HTR7: variants seen among roughly 807,000 people sequenced by gnomAD.
HTR7 encodes 5-hydroxytryptamine receptor 7, also known as 5-HT-7.
In HTR7, 16 loss-of-function variants were observed where a neutral mutation model predicts 34.0. The observed-to-expected ratio is 0.47, with a 90% confidence interval of 0.32 to 0.71. The LOEUF (loss-of-function observed/expected upper bound fraction) is 0.71. HTR7 is among the 30% of genes least tolerant of loss of function. HTR7 has a pLI of 0.04. For synonymous variants in HTR7, 265 were observed against 260.2 expected (o/e 1.02, Z -0.18); for missense variants, 504 against 625.5 (o/e 0.81, Z 2.07).
At chr10:90,759,829 G>A (rs918980214) in intron 1 of HTR7, among the ~76,000 whole-genome samples, 2 of 152,198 alleles carry the variant, frequency 1.3e-5, no homozygotes, top group African/African-American at 4.8e-5. Context: ...AAGCAAGGTA[G>A]GATACAGTGT....
intron 1 of HTR7, among the ~76,000 whole-genome samples, chr10:90,800,581 AC>A (rs923976489): frequency 2.0e-5 from 3 of 150,088 alleles, no homozygotes; most frequent in African/African-American, 4.9e-5. Flanking sequence ...TCATTCCTTC[AC>A]CCCCCGAGAT....
chr10:90,844,092 GA>G (rs1392994549), intron 1 of HTR7, among the ~76,000 whole-genome samples: 1 of 152,058 alleles, frequency 6.6e-6, no homozygotes, highest in Non-Finnish European at 1.5e-5. Context: ...TACCTTTACA[GA>G]AAAAAAGTGT....
chr10:90,762,551 T>C (rs1447327382), intron 1 of HTR7, among the ~76,000 whole-genome samples: 2 of 152,196 alleles, frequency 1.3e-5, no homozygotes, highest in Non-Finnish European at 2.9e-5. Flanking sequence ...ATAAGATACA[T>C]GGTTTCTGAA....
intron 1 of HTR7, among the ~76,000 whole-genome samples, chr10:90,839,965 T>A (rs1441558039): frequency 1.3e-5 from 2 of 151,942 alleles, no homozygotes; most frequent in African/African-American, 4.8e-5. Flanking sequence ...TACCCTCAAC[T>A]AGATAACATG....
At chr10:90,838,485 C>T (rs1846283237) in intron 1 of HTR7, among the ~76,000 whole-genome samples, 1 of 152,180 alleles carries the variant, frequency 6.6e-6, no homozygotes, top group South Asian at 2.1e-4. Context: ...AGTTTTCATT[C>T]TCACCCTCCT....
intron 1 of HTR7, among the ~76,000 whole-genome samples, chr10:90,809,853 T>G (rs1212150414): frequency 6.6e-6 from 1 of 152,186 alleles, no homozygotes; most frequent in African/African-American, 2.4e-5. Context: ...GGCCCAAGGC[T>G]CTCTGACTGC....
At chr10:90,804,110 G>A (rs1221960998) in intron 1 of HTR7, among the ~76,000 whole-genome samples, 1 of 152,168 alleles carries the variant, frequency 6.6e-6, no homozygotes, top group Non-Finnish European at 1.5e-5. Flanking sequence ...AGGAAAAGAT[G>A]CAGCTTAACT....
chr10:90,788,065 G>A (rs553855120), intron 1 of HTR7, among the ~76,000 whole-genome samples: 61 of 152,132 alleles, frequency 4.0e-4, no homozygotes, highest in Non-Finnish European at 7.8e-4. Context: ...ACCCTGAGCC[G>A]GAGCTGCAAC....
intron 1 of HTR7, among the ~76,000 whole-genome samples, chr10:90,760,911 TATAA>T (rs1380770806): frequency 6.6e-6 from 1 of 152,138 alleles, no homozygotes; most frequent in Non-Finnish European, 1.5e-5. Context: ...ACACGTACCC[TATAA>T]ATATGTACAA....
rs777376218 is a variant in HTR7, at chr10:90,857,090, C to T, written c.539+43G>A. On this transcript the variant is annotated intron_variant, in intron 1 of 3. Coordinates refer to ENST00000336152, the MANE Select transcript of HTR7 (RefSeq NM_019859.4). This position sits in a 1 kb window ranked among gnomAD's most constrained non-coding sequence, Gnocchi z 6.5. Reference sequence around the variant, plus strand: ...GAGCGCGCGGGGCTGAGCTGCCAGCCGGTCCCCAGCCGGAGCCTGGGACGG... The same window carrying T: ...GAGCGCGCGGGGCTGAGCTGCCAGCTGGTCCCCAGCCGGAGCCTGGGACGG... 6 of 1,485,342 alleles carry T rather than the reference C, an allele frequency of 4.0e-6. No homozygotes were observed. The South Asian group carries it at 5.4e-5, about 13-fold the overall frequency. The allele number at this position is 1,485,342 out of a possible 1,614,324, so 92.0% of individuals were successfully genotyped here.
At chr10:90,766,322 T>C (rs1845023722) in intron 1 of HTR7, among the ~76,000 whole-genome samples, 1 of 152,248 alleles carries the variant, frequency 6.6e-6, no homozygotes, top group Admixed American at 6.5e-5. Flanking sequence ...TTTTGTTTGA[T>C]ATAAGTGGAT....
chr10:90,743,507 A>T, intron 3 of HTR7, 86 bp downstream of exon 3: 1 of 1,084,618 alleles, frequency 9.2e-7, no homozygotes, highest in Admixed American at 1.7e-5. Context: ...TCTCCAGCTC[A>T]GCACGGCTCT....
chr10:90,743,464 C>T (rs1047100865), intron 3 of HTR7, 129 bp downstream of exon 3: 6 of 753,154 alleles, frequency 8.0e-6, no homozygotes, highest in South Asian at 1.7e-5. Flanking sequence ...CCCAGGGCCA[C>T]TGTCTCTTCC....
chr10:90,805,035 G>C lies in HTR7; in HGVS notation c.539+52098C>G, dbSNP rs555681781. Among the ~76,000 whole-genome samples the C allele has an allele frequency of 2.4e-4, 37 of 152,262 alleles. 1 individual carries two copies. Among genetic ancestry groups the C allele is most frequent in the African/African-American group, 8.2e-4 (34 of 41,528 alleles). ...CCTCTCAGGTCTAAAACTCTGCACTGTTTTATATTGCATTACCTGGTCTCT... is the reference window on the plus strand; with the variant it reads ...CCTCTCAGGTCTAAAACTCTGCACTCTTTTATATTGCATTACCTGGTCTCT... On this transcript the variant is annotated intron_variant, in intron 1 of 3. Transcript: ENST00000336152.
chr10:90,840,177 T>TCTCA (rs1478516123), intron 1 of HTR7, among the ~76,000 whole-genome samples: 9,614 of 136,658 alleles, frequency 0.07, 350 homozygotes, highest in Non-Finnish European at 0.095. Context: ...TCTCTCTCTC[T>TCTCA]CACACACACA....
chr10:90,819,214 C>G (rs956046905), intron 1 of HTR7, among the ~76,000 whole-genome samples: 4 of 152,140 alleles, frequency 2.6e-5, no homozygotes, highest in African/African-American at 9.7e-5. Flanking sequence ...TTGATAGATA[C>G]AAAACTCTAA....
At chr10:90,800,582 C>T (rs1283445912) in intron 1 of HTR7, among the ~76,000 whole-genome samples, 2 of 151,890 alleles carry the variant, frequency 1.3e-5, no homozygotes, top group African/African-American at 2.4e-5. Context: ...CATTCCTTCA[C>T]CCCCCGAGAT....
At chr10:90,814,993 C>G (rs1589463304) in intron 1 of HTR7, among the ~76,000 whole-genome samples, 1 of 152,134 alleles carries the variant, frequency 6.6e-6, no homozygotes, top group Non-Finnish European at 1.5e-5. Context: ...AACCCAGGTC[C>G]TTTTCAAAAG....
At chr10:90,797,752 T>A (rs956123419) in intron 1 of HTR7, among the ~76,000 whole-genome samples, 17 of 152,266 alleles carry the variant, frequency 1.1e-4, no homozygotes, top group Non-Finnish European at 2.5e-4. Flanking sequence ...TTTAATTCAA[T>A]GAGGTCACAT....
Sources: gnomAD v4.1 joint callset for allele counts (sites outside exome capture counted in the v4.1 genomes callset) on GRCh38, gnomAD v4.1.1 for gene constraint, Gnocchi (gnomAD v3.1) non-coding constraint, MANE v1.5 for transcripts, NCBI Gene and HGNC (gene_info 2026-07-23, HGNC 2026-07-21) for gene names.